Variants in SLC12A7 observed in about 807,000 individuals in gnomAD.
The protein encoded by SLC12A7 is K-Cl cotransporter 4.
Under a neutral mutation model 120.6 loss-of-function variants are expected in SLC12A7, and 100 were observed. The ratio of observed to expected loss-of-function variants is 0.83; its 90% CI spans 0.71 to 0.98. SLC12A7 has a LOEUF of 0.98. Ranked by LOEUF, SLC12A7 falls within the 50% of genes least tolerant of loss-of-function variation. SLC12A7 has a pLI of 0.00. For missense variants in SLC12A7, 1,373 were observed against 1,548.1 expected (o/e 0.89, Z 1.90); for synonymous variants, 760 against 678.0 (o/e 1.12, Z -1.88).
the SLC12A7 span, among the ~76,000 whole-genome samples, chr5:1,130,308 A>G: frequency 3.3e-5 from 5 of 152,168 alleles, no homozygotes; most frequent in Non-Finnish European, 7.4e-5. Flanking sequence ...GGACCTGGGC[A>G]GGCACCTCCT....
chr5:1,144,219 G>A, the SLC12A7 span, among the ~76,000 whole-genome samples: 11 of 152,300 alleles, frequency 7.2e-5, no homozygotes, highest in Non-Finnish European at 1.5e-4. Flanking sequence ...GAAGTTGGCC[G>A]GCGCAGCGCC....
At chr5:1,142,793 GC>G in the SLC12A7 span, among the ~76,000 whole-genome samples, 97,998 of 147,078 alleles carry the variant, frequency 0.67, 32,748 homozygotes, top group South Asian at 0.78. Flanking sequence ...ACCATCAGCT[GC>G]CCCCCCCATA....
At chr5:1,108,164 G>C (rs923724756) in intron 1 of SLC12A7, among the ~76,000 whole-genome samples, 8 of 152,228 alleles carry the variant, frequency 5.3e-5, no homozygotes, top group African/African-American at 1.9e-4. Context: ...ACACCTGCAC[G>C]CTCACAAGGC....
intron 20 of SLC12A7, 121 bp from the exon 21 acceptor site, chr5:1,060,572 G>T: frequency 1.5e-6 from 1 of 686,048 alleles, no homozygotes; most frequent in Non-Finnish European, 2.5e-6. Flanking sequence ...CGCGTCCCGG[G>T]CCCCACAGGC....
chr5:1,078,115 C>T, intron 11 of SLC12A7, 108 bp from the exon 12 acceptor site: 1 of 1,330,934 alleles, frequency 7.5e-7, no homozygotes, highest in Non-Finnish European at 1.0e-6. Flanking sequence ...GGGGGCGACT[C>T]CTTGGAAAGC....
chr5:1,107,265 C>T (rs1379741276), intron 1 of SLC12A7, among the ~76,000 whole-genome samples: 2 of 152,244 alleles, frequency 1.3e-5, no homozygotes, highest in African/African-American at 4.8e-5. Flanking sequence ...TTAACCTCGG[C>T]AAATAAACCT....
In SLC12A7 at chr5:1,074,445, A is replaced by C. The variant is rs12523242; in HGVS notation, c.2072+122T>G. On this transcript the variant is annotated intron_variant, in intron 16 of 23. Transcript: ENST00000264930. Reference sequence around the variant, plus strand: ...CTGCACCAGGCAGTGTTCACACCCCAGACCTTGCCTGAGCGGCTGAAGGTG... The same window carrying C: ...CTGCACCAGGCAGTGTTCACACCCCCGACCTTGCCTGAGCGGCTGAAGGTG... 406,046 of 874,204 alleles carry C rather than the reference A, an allele frequency of 0.46. 100,243 individuals carry two copies. The highest frequency in any genetic ancestry group is 0.73 in the East Asian group (27,976 of 38,278). The allele number at this position is 874,204 out of a possible 1,614,324, so 54.2% of individuals were successfully genotyped here.
At chr5:1,064,771 CAAGGGGACGGT>C (rs1223466022) in intron 18 of SLC12A7, among the ~76,000 whole-genome samples, 1 of 126,656 alleles carries the variant, frequency 7.9e-6, no homozygotes, top group South Asian at 2.7e-4. Flanking sequence ...GAAGGGACAG[CAAGGGGACGGT>C]GAGGGGACAG....
chr5:1,067,166 C>T (rs565978360), intron 17 of SLC12A7, among the ~76,000 whole-genome samples: 5 of 152,306 alleles, frequency 3.3e-5, no homozygotes, highest in Non-Finnish European at 5.9e-5. Flanking sequence ...GCTGCCCGGG[C>T]GCAAGACGGG....
chr5:1,095,831 C>T (rs1053270147), intron 1 of SLC12A7, among the ~76,000 whole-genome samples: 14 of 152,226 alleles, frequency 9.2e-5, no homozygotes, highest in African/African-American at 3.4e-4. Flanking sequence ...GCGGGCAGCA[C>T]GTGCTCCCAG....
At chr5:1,135,561 G>A in the SLC12A7 span, among the ~76,000 whole-genome samples, 1 of 152,172 alleles carries the variant, frequency 6.6e-6, no homozygotes, top group East Asian at 1.9e-4. Context: ...GGTTGAAGTC[G>A]CCACAGGGGT....
At chr5:1,056,303 A>T (rs1489791064) in intron 22 of SLC12A7, among the ~76,000 whole-genome samples, 1 of 152,132 alleles carries the variant, frequency 6.6e-6, no homozygotes, top group Non-Finnish European at 1.5e-5. Context: ...AGCGGCTCGG[A>T]CACCTCCCAG....
intron 1 of SLC12A7, among the ~76,000 whole-genome samples, chr5:1,109,477 C>T (rs4639275): frequency 2.0e-5 from 3 of 152,118 alleles, no homozygotes; most frequent in Non-Finnish European, 4.4e-5. Flanking sequence ...ATAAAAGCTC[C>T]GTCCCAAGAA....
chr5:1,088,954 C>T, intron 4 of SLC12A7, 28 bp downstream of exon 4: 2 of 1,612,154 alleles, frequency 1.2e-6, no homozygotes, highest in African/African-American at 1.3e-5. Flanking sequence ...CCCGAAGGCA[C>T]AGCCACACCT....
intron 21 of SLC12A7, among the ~76,000 whole-genome samples, chr5:1,060,113 C>T (rs1291265414): frequency 6.6e-6 from 1 of 152,248 alleles, no homozygotes; most frequent in Non-Finnish European, 1.5e-5. Context: ...TTCCTCTAAC[C>T]AGGCACCCGC....
intron 23 of SLC12A7, 30 bp downstream of exon 23, chr5:1,053,319 G>A (rs200513612): frequency 5.0e-4 from 810 of 1,607,340 alleles, no homozygotes; most frequent in South Asian, 1.5e-3. Flanking sequence ...GTGCCCGCAC[G>A]CTCAGCAGGC....
chr5:1,110,601 G>C lies in SLC12A7; in HGVS notation c.124+1267C>G, dbSNP rs144227887. Among the ~76,000 whole-genome samples, 520 of 152,362 alleles carry C rather than the reference G, an allele frequency of 3.4e-3. 2 individuals carry two copies. Among genetic ancestry groups the C allele is most frequent in the African/African-American group, 0.012 (489 of 41,582 alleles). Reference sequence around the variant, plus strand: ...AGAGGCTCCTTCTGAGTGCGTTCCGGGGGCGTTGCTACAAAGCTCACACAG... The same window carrying C: ...AGAGGCTCCTTCTGAGTGCGTTCCGCGGGCGTTGCTACAAAGCTCACACAG... On this transcript the variant is annotated intron_variant, in intron 1 of 23. Transcript: ENST00000264930.
chr5:1,145,349 C>T, the SLC12A7 span, among the ~76,000 whole-genome samples: 3 of 152,096 alleles, frequency 2.0e-5, no homozygotes, highest in East Asian at 5.8e-4. The surrounding 1 kb of genome is among the most constrained non-coding windows in gnomAD (Gnocchi z 4.4). Context: ...GGGTGGTCAC[C>T]CCTCCCCCTA....
chr5:1,074,637 G>A lies in SLC12A7; in HGVS notation c.2002C>T (p.Leu668=). The part of the protein sequence containing the change: ...EKEWGDGIRG[L]SLNAARYALL... The stretch of plus-strand genomic sequence containing the variant: ...GCGTAGCGGGCGGCGTTCAGGGATA[G>A]GCCACGGATGCCATCGCCCCACTCC... The change falls in exon 16 of 24, where the codon CTA becomes TTA. Residue 668 remains leucine, a synonymous_variant. Transcript: ENST00000264930. The A allele has an allele frequency of 6.2e-7, 1 of 1,612,850 alleles. No homozygotes were observed.
Sources: gnomAD v4.1 joint callset for allele counts (sites outside exome capture counted in the v4.1 genomes callset) on GRCh38, gnomAD v4.1.1 for gene constraint, Gnocchi (gnomAD v3.1) non-coding constraint, MANE v1.5 for transcripts, NCBI Gene and HGNC (gene_info 2026-07-23, HGNC 2026-07-21) for gene names.